The following RBPJ variants were observed in gnomAD, a reference collection of about 807,000 sequenced individuals.
RBPJ encodes the protein recombining binding protein suppressor of hairless.
In RBPJ, 9 loss-of-function variants were observed where a neutral mutation model predicts 67.8. That is an observed-to-expected ratio of 0.13 (90% confidence interval 0.08 to 0.23). The LOEUF (loss-of-function observed/expected upper bound fraction) is 0.23, where lower values mean the gene tolerates loss of function less well. Among genes scored for constraint, RBPJ ranks in the 10% least tolerant of loss-of-function variants. RBPJ has a pLI of 1.00. For synonymous variants in RBPJ, 198 were observed against 203.3 expected (o/e 0.97, Z 0.22); for missense variants, 305 against 595.6 (o/e 0.51, Z 5.08).
rs1452488050 is a variant in RBPJ at position 26,270,435 on chromosome 4, A to C, written c.-166-92011A>C. ...AAAGAAAGAAAGAAAGAAAGAAAGAAAGAAGAAAGAAAGAAAGAAAGAAAA... is the reference window on the plus strand; with the variant it reads ...AAAGAAAGAAAGAAAGAAAGAAAGACAGAAGAAAGAAAGAAAGAAAGAAAA... On this transcript the variant is annotated intron_variant, in intron 1 of 4. Transcript: ENST00000512351. 7.2e-5 allele frequency among the ~76,000 whole-genome samples: 4 copies of C among 55,812 alleles called. 1 individual carries two copies. Among genetic ancestry groups the C allele is most frequent in the African/African-American group, 2.1e-4 (4 of 19,292 alleles). The allele number at this position is 55,812 out of a possible 152,430, so 36.6% of individuals were successfully genotyped here.
intron 1 of RBPJ, 52 bp downstream of exon 1, chr4:26,321,100 G>C (rs1214507660): frequency 6.9e-7 from 1 of 1,440,580 alleles, no homozygotes; most frequent in Non-Finnish European, 9.7e-7. Flanking sequence ...GCGGGCGTCT[G>C]GCAGCTCACG....
intron 2 of RBPJ, among the ~76,000 whole-genome samples, chr4:26,403,588 A>G (rs1165861071): frequency 6.6e-6 from 1 of 152,100 alleles, no homozygotes; most frequent in East Asian, 1.9e-4. Context: ...CTTTGTCTTC[A>G]TAAGTTCTCA....
chr4:26,188,892 T>A (rs1717375347), intron 1 of RBPJ, among the ~76,000 whole-genome samples: 1 of 152,212 alleles, frequency 6.6e-6, no homozygotes, highest in South Asian at 2.1e-4. Flanking sequence ...ATTTTATAAG[T>A]ATTAAACAGG....
At position 26,424,639 on chromosome 4, in the gene RBPJ, G is replaced by A. The variant is rs761342901; in HGVS notation, c.643G>A (p.Asp215Asn). The A allele has an allele frequency of 1.2e-6, 2 of 1,608,600 alleles. No homozygotes were observed. Among genetic ancestry groups the A allele is most frequent in the Non-Finnish European group, 8.5e-7 (1 of 1,175,866 alleles). ...GAFFIHLLDD[D>N]ESEGEEFTVR... Reference sequence around the variant, plus strand: ...TTTTCCACCTACTGCAGTGGATGATGATGAATCAGAAGGAGAAGAATTCAC... The same window carrying A: ...TTTTCCACCTACTGCAGTGGATGATAATGAATCAGAAGGAGAAGAATTCAC... Residue 215 changes from aspartate (D) to asparagine (N), a missense_variant, in exon 7 of 11, where the codon GAT (aspartate) becomes AAT (asparagine). Transcript: ENST00000355476. The surrounding 1 kb of genome is among the most constrained non-coding windows in gnomAD (Gnocchi z 5.3).
chr4:26,207,544 A>G (rs1400113616), intron 1 of RBPJ, among the ~76,000 whole-genome samples: 2 of 152,150 alleles, frequency 1.3e-5, no homozygotes, highest in African/African-American at 4.8e-5. Context: ...AGTTTGGAGA[A>G]CATGTGAGCT....
intron 1 of RBPJ, among the ~76,000 whole-genome samples, chr4:26,312,277 A>G (rs1052040885): frequency 2.0e-5 from 3 of 151,908 alleles, no homozygotes; most frequent in African/African-American, 4.8e-5. Context: ...GACTGCAGGC[A>G]CCCGCCACCA....
intron 3 of RBPJ, among the ~76,000 whole-genome samples, chr4:26,413,879 A>G (rs1325481896): frequency 2.0e-5 from 3 of 152,170 alleles, no homozygotes; most frequent in African/African-American, 7.2e-5. Flanking sequence ...CCAAATTTAA[A>G]AAAACAGTAT....
At chr4:26,339,702 GAA>G (rs1409975614) in intron 1 of RBPJ, among the ~76,000 whole-genome samples, 1 of 151,726 alleles carries the variant, frequency 6.6e-6, no homozygotes, top group Non-Finnish European at 1.5e-5. Flanking sequence ...AAATCAGTGA[GAA>G]AAAGAGCATT....
chr4:26,241,033 C>T (rs971389711), intron 1 of RBPJ, among the ~76,000 whole-genome samples: 1 of 151,858 alleles, frequency 6.6e-6, no homozygotes, highest in South Asian at 2.1e-4. Flanking sequence ...CCAAAACCCC[C>T]GTTTCTACAA....
the RBPJ span, among the ~76,000 whole-genome samples, chr4:26,137,570 G>T: frequency 6.6e-6 from 1 of 152,276 alleles, no homozygotes; most frequent in South Asian, 2.1e-4. Flanking sequence ...TGTGCTGCAG[G>T]CCACCGTACC....
At chr4:26,423,290 T>C (rs1735326804) in intron 5 of RBPJ, among the ~76,000 whole-genome samples, 1 of 152,190 alleles carries the variant, frequency 6.6e-6, no homozygotes. Context: ...GGTAGAAGGT[T>C]TCTTTCTGAC....
intron 3 of RBPJ, among the ~76,000 whole-genome samples, chr4:26,412,371 A>G: frequency 6.6e-6 from 1 of 151,986 alleles, no homozygotes; most frequent in Middle Eastern, 3.2e-3. Flanking sequence ...AACTGGGACT[A>G]CAGGCGTGCG....
At chr4:26,373,610 C>G (rs1729387804) in intron 1 of RBPJ, among the ~76,000 whole-genome samples, 1 of 152,196 alleles carries the variant, frequency 6.6e-6, no homozygotes, top group South Asian at 2.1e-4. Context: ...AAAACCTCTT[C>G]ATTAAATGGA....
At chr4:26,370,889 G>C (rs758759459) in intron 1 of RBPJ, among the ~76,000 whole-genome samples, 25 of 151,866 alleles carry the variant, frequency 1.6e-4, no homozygotes, top group Admixed American at 3.3e-4. Flanking sequence ...GACAATCCTT[G>C]CTAACACAGT....
chr4:26,421,149 G>A (rs1365246205), intron 5 of RBPJ, among the ~76,000 whole-genome samples: 1 of 152,154 alleles, frequency 6.6e-6, no homozygotes, highest in African/African-American at 2.4e-5. Context: ...GCTTTGGCAG[G>A]CCTTCCTGAG....
chr4:26,320,866 G>T (rs371781527), upstream of RBPJ: 1 of 1,573,854 alleles, frequency 6.4e-7, no homozygotes, highest in Admixed American at 1.9e-5. Flanking sequence ...TGCGGGCGGC[G>T]CGAGGCGTCT....
intron 1 of RBPJ, among the ~76,000 whole-genome samples, chr4:26,333,582 G>C (rs1053640378): frequency 6.6e-6 from 1 of 151,708 alleles, no homozygotes; most frequent in Non-Finnish European, 1.5e-5. Flanking sequence ...TGAGATGGAC[G>C]TCTCACTCTG....
At chr4:26,330,911 A>G (rs949774643) in intron 1 of RBPJ, among the ~76,000 whole-genome samples, 2 of 152,224 alleles carry the variant, frequency 1.3e-5, no homozygotes, top group African/African-American at 4.8e-5. Flanking sequence ...AAAGGTAACT[A>G]CATCCTGTGT....
chr4:26,230,302 T>G (rs1256226466), intron 1 of RBPJ, among the ~76,000 whole-genome samples: 2 of 152,104 alleles, frequency 1.3e-5, no homozygotes, highest in Non-Finnish European at 2.9e-5. Flanking sequence ...GATACCATAA[T>G]TCAGGCAAAC....
Sources: allele counts gnomAD v4.1 joint callset (sites outside exome capture counted in the v4.1 genomes callset), GRCh38; gene constraint gnomAD v4.1.1; non-coding constraint Gnocchi (gnomAD v3.1); transcripts MANE v1.5; gene names NCBI Gene and HGNC (gene_info 2026-07-23, HGNC 2026-07-21).